The following VASH2 variants were observed in gnomAD, a reference collection of about 807,000 sequenced individuals.
VASH2 encodes tubulinyl-Tyr carboxypeptidase 2.
VASH2 carries 28 observed loss-of-function variants against 37.2 expected under a neutral mutation model. That is an observed-to-expected ratio of 0.75 (90% CI 0.56 to 1.03). The LOEUF (loss-of-function observed/expected upper bound fraction) is 1.03. Ranked by LOEUF, VASH2 falls within the 50% of genes least tolerant of loss-of-function variation. VASH2 has a pLI of 0.00. For missense variants in VASH2, 419 were observed against 459.1 expected (o/e 0.91, Z 0.80); for synonymous variants, 188 against 174.7 (o/e 1.08, Z -0.60).
intron 7 of VASH2, among the ~76,000 whole-genome samples, chr1:212,976,872 A>G (rs1667189974): frequency 6.6e-6 from 1 of 152,200 alleles, no homozygotes; most frequent in Non-Finnish European, 1.5e-5. Context: ...CTGCAGGAAG[A>G]GGGCATTCTC....
chr1:212,965,781 A>G lies in VASH2; in HGVS notation c.422+3A>G. 1.3e-6 allele frequency: 2 copies of G among 1,551,788 alleles called. No homozygotes were observed. The highest frequency in any genetic ancestry group is 1.7e-6 in the Non-Finnish European group (2 of 1,146,628). On this transcript the variant is annotated splice_donor_region_variant and intron_variant, in intron 4 of 7. Coordinates refer to ENST00000517399, the MANE Select transcript of VASH2 (RefSeq NM_001301056.2). ...AGGAAAATGAGACCGCTGAGTGGGTAAGTGGTGCATGATCTATGGGCCAGA... is the reference window on the plus strand; with the variant it reads ...AGGAAAATGAGACCGCTGAGTGGGTGAGTGGTGCATGATCTATGGGCCAGA...
intron 7 of VASH2, among the ~76,000 whole-genome samples, chr1:212,983,558 A>G (rs1463330909): frequency 6.6e-6 from 1 of 152,166 alleles, no homozygotes. Context: ...TCCCAACCCC[A>G]CTGCACCGAG....
chr1:212,959,473 C>T (rs1666605330), intron 2 of VASH2, among the ~76,000 whole-genome samples: 2 of 152,054 alleles, frequency 1.3e-5, no homozygotes, highest in Non-Finnish European at 2.9e-5. Flanking sequence ...ACACACAATA[C>T]CTTGGCTGTA....
Position 212,950,845 on chromosome 1 carries a change from G to A in VASH2, c.-205+105G>A. 6.5e-6 allele frequency: 1 copy of A among 152,748 alleles called. No individual in the cohort carries two copies. Among genetic ancestry groups the A allele is most frequent in the South Asian group, 2.0e-4 (1 of 5,060 alleles). The allele number at this position is 152,748 out of a possible 1,614,324, so 9.5% of individuals were successfully genotyped here. Reference sequence around the variant, plus strand: ...ACTCGGGGAAAAGGGGGCGGATGGAGCTCTTTCCACTAGATCCCCGCCGGG... The same window carrying A: ...ACTCGGGGAAAAGGGGGCGGATGGAACTCTTTCCACTAGATCCCCGCCGGG... On this transcript the variant is annotated intron_variant, in intron 1 of 7. Transcript: ENST00000517399. This position sits in a 1 kb window ranked among gnomAD's most constrained non-coding sequence, Gnocchi z 5.5.
Position 212,951,735 on chromosome 1 carries a change from C to G in VASH2, c.193C>G (p.Arg65Gly), listed in dbSNP as rs2102613139. ...CCCCATCGACAGCCACACCTGGGAG[C>G]GCATGTGGATGCACGTGGCCAAGGT... is the stretch of plus-strand genomic sequence containing the variant. Reference protein sequence around the residue: ...GFPIDSHTWERMWMHVAKVHP... With the variant: ...GFPIDSHTWEGMWMHVAKVHP... Residue 65 changes from arginine to glycine, a missense_variant, in exon 2 of 8, where the codon CGC (arginine) becomes GGC (glycine). Coordinates refer to ENST00000517399, the MANE Select transcript of VASH2 (RefSeq NM_001301056.2). The surrounding 1 kb of genome is among the most constrained non-coding windows in gnomAD (Gnocchi z 4.4). The G allele has an allele frequency of 1.2e-6, 2 of 1,607,216 alleles. No homozygotes were observed. Among genetic ancestry groups the G allele is most frequent in the East Asian group, 2.2e-5 (1 of 44,620 alleles).
At chr1:212,986,149 A>G (rs1054199016) in intron 7 of VASH2, among the ~76,000 whole-genome samples, 6 of 152,190 alleles carry the variant, frequency 3.9e-5, no homozygotes, top group African/African-American at 1.4e-4. Context: ...TAGTATGGAA[A>G]TAATATTTTA....
intron 4 of VASH2, 65 bp from the exon 5 acceptor site, chr1:212,966,206 T>A: frequency 7.1e-7 from 1 of 1,409,228 alleles, no homozygotes; most frequent in Non-Finnish European, 9.8e-7. Context: ...GCTGATGGAT[T>A]GACAGACTGA....
In VASH2 at chr1:212,972,848, C is replaced by T. The variant is rs372369361; in HGVS notation, c.766C>T (p.Pro256Ser). Residue 256 changes from proline to serine, a missense_variant, in exon 6 of 8, where the codon CCT (proline) becomes TCT (serine). Physicochemically the swap from Pro to Ser is moderately conservative, Grantham distance 74. Around this residue, in one of 3 missense-constraint regions of VASH2, gnomAD observed 177 missense variants for 166.2 expected, o/e 1.06. Coordinates refer to ENST00000517399, the MANE Select transcript of VASH2 (RefSeq NM_001301056.2). ...GATTGGGCTGTACGTCCCCCATGAG[C>T]CTCATAGCTTCCAGCCCATTGAGTG... The part of the protein sequence containing the change: ...VKIGLYVPHE[P>S]HSFQPIEWKQ... 6.8e-6 allele frequency: 11 copies of T among 1,614,064 alleles called. No individual in the cohort carries two copies. The African/African-American group carries it at 1.5e-4, about 22-fold the overall frequency.
At chr1:212,967,744 G>C (rs1437430676) in intron 5 of VASH2, 1 of 156,438 alleles carries the variant, frequency 6.4e-6, no homozygotes, top group Non-Finnish European at 1.4e-5. Context: ...GGATTTCAGG[G>C]AATGGTTTTA....
At chr1:212,952,406 T>C (rs984955611) in intron 2 of VASH2, 8 of 152,134 alleles carry the variant, frequency 5.3e-5, no homozygotes, top group African/African-American at 9.7e-5. Flanking sequence ...TGCAAAACGG[T>C]GAACTCTCTC....
rs1667001288 is a variant in VASH2, at chr1:212,971,169, A to G, written c.498-1411A>G. On this transcript the variant is annotated intron_variant, in intron 5 of 7. Transcript: ENST00000517399. This position sits in a 1 kb window ranked among gnomAD's most constrained non-coding sequence, Gnocchi z 4.0. ...TGAATAAATTCTATTACATGTATAC[A>G]CTACATTTTGTTCATCCCTTTATCC... is the stretch of plus-strand genomic sequence containing the variant. Among the ~76,000 whole-genome samples, 1 of 152,168 alleles carries G rather than the reference A, an allele frequency of 6.6e-6. No individual in the cohort carries two copies.
At chr1:212,978,929 T>A (rs1667258274) in intron 7 of VASH2, among the ~76,000 whole-genome samples, 1 of 152,160 alleles carries the variant, frequency 6.6e-6, no homozygotes, top group African/African-American at 2.4e-5. Flanking sequence ...TTCAAATGGA[T>A]TGAGGTGTTT....
chr1:212,982,696 G>A (rs868724486), intron 7 of VASH2, among the ~76,000 whole-genome samples: 1 of 152,152 alleles, frequency 6.6e-6, no homozygotes, highest in African/African-American at 2.4e-5. Context: ...TTGCAGCCAC[G>A]GTTGCTGTAA....
Position 212,988,862 on chromosome 1 carries a change from C to A in VASH2, c.*278C>A. The A allele has an allele frequency of 2.6e-6, 1 of 378,866 alleles. No individual in the cohort carries two copies. Among genetic ancestry groups the A allele is most frequent in the Non-Finnish European group, 5.0e-6 (1 of 201,104 alleles). The allele number at this position is 378,866 out of a possible 1,614,324, so 23.5% of individuals were successfully genotyped here. A position where few individuals can be genotyped will look rare whatever the true frequency, so the allele number is the denominator to read the frequency against. The stretch of plus-strand genomic sequence containing the variant: ...CCGTAACTGAAGTTTTATATTTTTC[C>A]ATTTACCTACTTTCTTTTACTTGCT... On this transcript the variant is annotated 3_prime_UTR_variant, in exon 8 of 8. Transcript: ENST00000517399.
chr1:212,965,477 C>T (rs746999778), intron 3 of VASH2, among the ~76,000 whole-genome samples: 11 of 152,202 alleles, frequency 7.2e-5, no homozygotes, highest in Non-Finnish European at 1.2e-4. Flanking sequence ...ACCCGGAATA[C>T]AGAGCAGATT....
In VASH2 at chr1:212,954,924, C is replaced by G. The variant is rs1360854361; in HGVS notation, c.276+3106C>G. Among the ~76,000 whole-genome samples the G allele has an allele frequency of 2.6e-5, 4 of 152,288 alleles. No individual in the cohort carries two copies. In the East Asian group the frequency reaches 7.7e-4, roughly 29 times the overall value. On this transcript the variant is annotated intron_variant, in intron 2 of 7. Transcript: ENST00000517399. ...ATCCCCAGTCCTATCATGGTATCTC[C>G]CCTGGTCCTGACATTCCCCAAGCCC...
In VASH2 at chr1:212,965,775, G is replaced by C. The variant is rs1666822685; in HGVS notation, c.419G>C (p.Ser140Thr). Residue 140 changes from serine to threonine, a missense_variant, in exon 4 of 8, where the codon AGT becomes ACT. Around this residue, in one of 3 missense-constraint regions of VASH2, gnomAD observed 84 missense variants for 129.9 expected, o/e 0.65. Transcript: ENST00000517399. Reference protein sequence around the residue: ...FFEIRKMRPLSGLMETAKEMT... With the variant: ...FFEIRKMRPLTGLMETAKEMT... Reference sequence around the variant, plus strand: ...GAAATTAGGAAAATGAGACCGCTGAGTGGGTAAGTGGTGCATGATCTATGG... The same window carrying C: ...GAAATTAGGAAAATGAGACCGCTGACTGGGTAAGTGGTGCATGATCTATGG... 1 of 1,552,084 alleles carries C rather than the reference G, an allele frequency of 6.4e-7. No individual in the cohort carries two copies. Among genetic ancestry groups the C allele is most frequent in the East Asian group, 2.4e-5 (1 of 40,924 alleles).
At chr1:212,985,045 A>G (rs939290288) in intron 7 of VASH2, among the ~76,000 whole-genome samples, 5 of 151,918 alleles carry the variant, frequency 3.3e-5, no homozygotes, top group African/African-American at 4.8e-5. Flanking sequence ...TTTTTGAGAT[A>G]GGGTCTTGCT....
chr1:212,976,472 T>G (rs1227157574), intron 7 of VASH2, among the ~76,000 whole-genome samples: 1 of 151,816 alleles, frequency 6.6e-6, no homozygotes, highest in African/African-American at 2.4e-5. Flanking sequence ...AGTCCCAGCT[T>G]CTTGGGAGGC....
Sources: allele counts gnomAD v4.1 joint callset (sites outside exome capture counted in the v4.1 genomes callset), GRCh38; gene constraint gnomAD v4.1.1; regional missense constraint gnomAD v4.1.1; non-coding constraint Gnocchi (gnomAD v3.1); transcripts MANE v1.5; gene names NCBI Gene and HGNC (gene_info 2026-07-23, HGNC 2026-07-21).